OTOGL: variants seen among roughly 807,000 people sequenced by gnomAD.
OTOGL encodes otogelin like, also known as otogelin-like protein.
OTOGL carries 285 observed loss-of-function variants against 318.5 expected under a neutral mutation model. The observed-to-expected ratio is 0.89, with a 90% CI of 0.81 to 0.99. OTOGL has a LOEUF of 0.99. Among genes scored for constraint, OTOGL ranks in the 50% least tolerant of loss-of-function variants. The pLI, the probability that OTOGL is intolerant of heterozygous loss-of-function variation, is 0.00. For synonymous variants in OTOGL, 987 were observed against 936.5 expected, an observed-to-expected ratio of 1.05 and a Z score of -0.99; for missense variants, 2,899 against 2,845.6, an observed-to-expected ratio of 1.02 and a Z score of -0.43.
chr12:80,219,905 C>T lies in OTOGL; in HGVS notation c.327C>T (p.Cys109=), dbSNP rs755337347. Reference sequence around the variant, plus strand: ...TATTTCAGGCTCTTGGGACAAGATGCCAGATCAGTAAGTTTCAGGGATGCT... The same window carrying T: ...TATTTCAGGCTCTTGGGACAAGATGTCAGATCAGTAAGTTTCAGGGATGCT... ...CQIFQALGTR[C]QIIPNMGNGR... is the part of the protein sequence containing the mutation. Residue 109 remains cysteine, a synonymous_variant, in exon 6 of 59, where the codon TGC becomes TGT. Coordinates refer to ENST00000547103, the MANE Select transcript of OTOGL (RefSeq NM_001378609.3). 6.4e-7 allele frequency: 1 copy of T among 1,563,860 alleles called. No individual in the cohort carries two copies. The highest frequency in any genetic ancestry group is 1.1e-5 in the South Asian group (1 of 89,138).
At chr12:80,293,900 G>T (rs575894051) in intron 26 of OTOGL, among the ~76,000 whole-genome samples, 1 of 152,156 alleles carries the variant, frequency 6.6e-6, no homozygotes, top group Non-Finnish European at 1.5e-5. Context: ...CAGAGATTTT[G>T]TGTGGGATAA....
chr12:80,224,144 G>T (rs1405269938), intron 7 of OTOGL, among the ~76,000 whole-genome samples: 3 of 152,092 alleles, frequency 2.0e-5, no homozygotes, highest in Admixed American at 2.0e-4. Context: ...TCTTCTGCAT[G>T]TGGCTAGCCA....
At chr12:80,339,887 C>A (rs1888656426) in intron 43 of OTOGL, among the ~76,000 whole-genome samples, 1 of 152,066 alleles carries the variant, frequency 6.6e-6, no homozygotes, top group Non-Finnish European at 1.5e-5. Context: ...TTAGAAATAT[C>A]TGTAGGTACA....
chr12:80,296,377 A>G (rs1380385079), intron 26 of OTOGL, among the ~76,000 whole-genome samples: 2 of 152,248 alleles, frequency 1.3e-5, no homozygotes, highest in Non-Finnish European at 2.9e-5. Context: ...TATTTTATTT[A>G]CTAACAAATA....
At chr12:80,326,892 T>G (rs1887708828) in intron 35 of OTOGL, among the ~76,000 whole-genome samples, 1 of 152,214 alleles carries the variant, frequency 6.6e-6, no homozygotes, top group Admixed American at 6.5e-5. Flanking sequence ...CTGAGCAGCA[T>G]TTACCTTTAG....
intron 1 of OTOGL, among the ~76,000 whole-genome samples, chr12:80,128,445 C>A (rs1019251677): frequency 6.6e-6 from 1 of 152,194 alleles, no homozygotes; most frequent in Non-Finnish European, 1.5e-5. Flanking sequence ...TGTCAGTCTG[C>A]CCCTACTGGG....
At chr12:80,241,669 A>G (rs140459524) in intron 11 of OTOGL, among the ~76,000 whole-genome samples, 118 of 152,256 alleles carry the variant, frequency 7.8e-4, no homozygotes, top group African/African-American at 2.8e-3. Flanking sequence ...GTCCAGGAAA[A>G]TCATTCTGCA....
At chr12:80,154,582 T>C (rs1445515858) in intron 1 of OTOGL, among the ~76,000 whole-genome samples, 1 of 152,222 alleles carries the variant, frequency 6.6e-6, no homozygotes, top group Non-Finnish European at 1.5e-5. Context: ...TAATGAATCA[T>C]TGTTTGCTCA....
intron 4 of OTOGL, among the ~76,000 whole-genome samples, chr12:80,216,088 G>A (rs753431709): frequency 9.2e-5 from 14 of 152,282 alleles, no homozygotes; most frequent in Non-Finnish European, 2.1e-4. Flanking sequence ...GCCGAGGCAG[G>A]AGGATCACTT....
At chr12:80,181,695 T>G (rs1874931818) in intron 1 of OTOGL, among the ~76,000 whole-genome samples, 1 of 152,094 alleles carries the variant, frequency 6.6e-6, no homozygotes, top group Non-Finnish European at 1.5e-5. Context: ...AGGGTCCTAG[T>G]GAGCCTATCT....
intron 9 of OTOGL, 136 bp downstream of exon 9, chr12:80,233,233 A>T (rs1164134697): frequency 1.3e-6 from 1 of 745,940 alleles, no homozygotes; most frequent in Non-Finnish European, 2.1e-6. Context: ...AGTGATTTTA[A>T]GTAAAGGTTG....
chr12:80,307,569 C>A (rs1886242997), intron 29 of OTOGL, among the ~76,000 whole-genome samples: 1 of 144,036 alleles, frequency 6.9e-6, no homozygotes, highest in South Asian at 2.2e-4. Context: ...GGGGGGCTGA[C>A]CCCCCAACCT....
chr12:80,131,750 C>T (rs559648072), intron 1 of OTOGL: 1 of 152,272 alleles, frequency 6.6e-6, no homozygotes, highest in Non-Finnish European at 1.5e-5. Flanking sequence ...CATTTAATCC[C>T]TGTAAGAATC....
At chr12:80,173,283 T>C (rs936810181) in intron 1 of OTOGL, among the ~76,000 whole-genome samples, 1 of 152,098 alleles carries the variant, frequency 6.6e-6, no homozygotes, top group Non-Finnish European at 1.5e-5. Context: ...AATATACTTA[T>C]AGTTATTTCT....
intron 1 of OTOGL, among the ~76,000 whole-genome samples, chr12:80,160,488 A>G (rs1873435380): frequency 6.6e-6 from 1 of 152,178 alleles, no homozygotes; most frequent in African/African-American, 2.4e-5. Context: ...AAAATGCTCA[A>G]CATCACTAAT....
intron 1 of OTOGL, among the ~76,000 whole-genome samples, chr12:80,202,251 G>A (rs911322724): frequency 3.4e-5 from 5 of 148,438 alleles, no homozygotes; most frequent in African/African-American, 1.2e-4. Flanking sequence ...CTGTCCTCTT[G>A]TCTAGTATCT....
intron 1 of OTOGL, among the ~76,000 whole-genome samples, chr12:80,134,468 T>G (rs1278862942): frequency 6.6e-6 from 1 of 152,230 alleles, no homozygotes; most frequent in Non-Finnish European, 1.5e-5. Flanking sequence ...TTCTAAACTT[T>G]GGAATATGAT....
chr12:80,299,171 C>A (rs1885597563), intron 27 of OTOGL, among the ~76,000 whole-genome samples: 1 of 152,158 alleles, frequency 6.6e-6, no homozygotes, highest in Non-Finnish European at 1.5e-5. Flanking sequence ...ATGTTTCAGT[C>A]AGAAACATTG....
At position 80,368,190 on chromosome 12, in the gene OTOGL, T is replaced by C. The variant is rs748802051; in HGVS notation, c.6511-15T>C. On this transcript the variant is annotated splice_polypyrimidine_tract_variant and intron_variant, in intron 54 of 58. Coordinates refer to ENST00000547103, the MANE Select transcript of OTOGL (RefSeq NM_001378609.3). ...TATTGATATGGTGTCGCTAATCTAATATCATTATATGCAGCACCAGGTATA... is the reference window on the plus strand; with the variant it reads ...TATTGATATGGTGTCGCTAATCTAACATCATTATATGCAGCACCAGGTATA... The C allele has an allele frequency of 1.3e-6, 2 of 1,534,598 alleles. No individual in the cohort carries two copies. Among genetic ancestry groups the C allele is most frequent in the Admixed American group, 1.8e-5 (1 of 55,270 alleles).
Sources: allele counts gnomAD v4.1 joint callset (sites outside exome capture counted in the v4.1 genomes callset), GRCh38; gene constraint gnomAD v4.1.1; transcripts MANE v1.5; gene names NCBI Gene and HGNC (gene_info 2026-07-23, HGNC 2026-07-21).